TBC1D31: variants seen among roughly 807,000 people sequenced by gnomAD.
TBC1D31 encodes WD repeat domain 67.
A neutral mutation model predicts 132.9 loss-of-function variants in TBC1D31; 99 were observed. The ratio of observed to expected loss-of-function variants is 0.74; its 90% CI spans 0.63 to 0.88. The LOEUF (loss-of-function observed/expected upper bound fraction) is 0.88. Among genes scored for constraint, TBC1D31 ranks in the 40% least tolerant of loss-of-function variants. The pLI is 0.00. For synonymous variants in TBC1D31, 385 were observed against 419.4 expected (o/e 0.92, Z 1.00); for missense variants, 1,134 against 1,256.6 (o/e 0.90, Z 1.48).
intron 20 of TBC1D31, among the ~76,000 whole-genome samples, chr8:123,146,699 T>C (rs1822244614): frequency 6.6e-6 from 1 of 152,226 alleles, no homozygotes. Flanking sequence ...TTTTTTTTTT[T>C]TTAAAGACAG....
At chr8:123,140,928 A>AT in intron 18 of TBC1D31, 27 bp downstream of exon 18, 1 of 1,600,286 alleles carries the variant, frequency 6.2e-7, no homozygotes, top group Non-Finnish European at 8.5e-7. Context: ...TTTAGTATAC[A>AT]TGCAGAGGAG....
At chr8:123,130,623 C>CTTTT (rs774112527) in intron 16 of TBC1D31, among the ~76,000 whole-genome samples, 1 of 136,124 alleles carries the variant, frequency 7.3e-6, no homozygotes, top group Non-Finnish European at 1.6e-5. Context: ...CTTTTCTTTT[C>CTTTT]TTTTTTTTTT....
At chr8:123,152,585 G>C (rs1760817546), downstream of TBC1D31, among the ~76,000 whole-genome samples, 1 of 152,142 alleles carries the variant, frequency 6.6e-6, no homozygotes. Flanking sequence ...AGTAAGATCA[G>C]GCAGGCCAGA....
intron 6 of TBC1D31, among the ~76,000 whole-genome samples, chr8:123,099,311 G>A (rs1032001685): frequency 5.3e-5 from 8 of 151,962 alleles, no homozygotes; most frequent in Admixed American, 2.0e-4. Context: ...TAGTAGAGAC[G>A]GGGTTTCACC....
intron 10 of TBC1D31, among the ~76,000 whole-genome samples, chr8:123,115,569 G>A (rs1393803228): frequency 1.3e-5 from 2 of 152,168 alleles, no homozygotes; most frequent in Non-Finnish European, 2.9e-5. Flanking sequence ...TTAGAGTTTG[G>A]TAGGCAGAAG....
chr8:123,097,316 A>T lies in TBC1D31; in HGVS notation c.706A>T (p.Asn236Tyr), dbSNP rs1816927617. 5 of 1,614,172 alleles carry T rather than the reference A, an allele frequency of 3.1e-6. No individual in the cohort carries two copies. The highest frequency in any genetic ancestry group is 4.2e-6 in the Non-Finnish European group (5 of 1,180,028). Reference protein sequence around the residue: ...GRILAAGGKSNHLHLWCLEAR... With the variant: ...GRILAAGGKSYHLHLWCLEAR... Reference sequence around the variant, plus strand: ...AATCCTGGCTGCTGGAGGCAAGTCAAATCATCTTCATTTGTGGTGCTTGGA... The same window carrying T: ...AATCCTGGCTGCTGGAGGCAAGTCATATCATCTTCATTTGTGGTGCTTGGA... Residue 236 changes from asparagine to tyrosine, a missense_variant, in exon 6 of 22, where the codon AAT becomes TAT. Coordinates refer to ENST00000287380, the MANE Select transcript of TBC1D31 (RefSeq NM_145647.4).
At chr8:123,142,497 A>ATTTTT in intron 19 of TBC1D31, 41 bp downstream of exon 19, 1 of 1,111,676 alleles carries the variant, frequency 9.0e-7, no homozygotes, top group Non-Finnish European at 1.2e-6. Context: ...TCAAGCATTG[A>ATTTTT]TTTTTTTTTT....
intron 2 of TBC1D31, among the ~76,000 whole-genome samples, chr8:123,081,879 C>T: frequency 1.3e-5 from 1 of 78,910 alleles, no homozygotes; most frequent in East Asian, 2.8e-4. Flanking sequence ...GGGCCCCTCC[C>T]ACAACATGTG....
At chr8:123,116,192 G>A (rs1818890159) in intron 10 of TBC1D31, among the ~76,000 whole-genome samples, 1 of 152,082 alleles carries the variant, frequency 6.6e-6, no homozygotes, top group African/African-American at 2.4e-5. Context: ...ATGAAGAAAA[G>A]ATAGGTTATT....
chr8:123,150,423 C>T (rs938128363), intron 21 of TBC1D31, among the ~76,000 whole-genome samples: 3 of 152,206 alleles, frequency 2.0e-5, no homozygotes, highest in African/African-American at 7.2e-5. Context: ...AAGTCTCTAA[C>T]TAGGTTGATA....
At position 123,140,737 on chromosome 8, in the gene TBC1D31, T is replaced by TC. The variant is rs1390995424; in HGVS notation, c.2500-24_2500-23insC. The TC allele has an allele frequency of 3.2e-6, 5 of 1,580,112 alleles. No homozygotes were observed. The African/African-American group carries it at 6.9e-5, about 22-fold the overall frequency. On this transcript the variant is annotated intron_variant, in intron 17 of 21. Coordinates refer to ENST00000287380, the MANE Select transcript of TBC1D31 (RefSeq NM_145647.4). ...TCTAGCGTTATATAAATTAGTGATTTTTTTTTACAAATGATTTTAACAGAA... is the reference window on the plus strand; with the variant it reads ...TCTAGCGTTATATAAATTAGTGATTTCTTTTTTACAAATGATTTTAACAGAA...
At chr8:123,157,620 C>T in the TBC1D31 span, among the ~76,000 whole-genome samples, 2 of 152,170 alleles carry the variant, frequency 1.3e-5, no homozygotes, top group Non-Finnish European at 2.9e-5. Context: ...ACTGTGTTCC[C>T]GGCCCTGTGC....
intron 20 of TBC1D31, 91 bp from the exon 21 acceptor site, chr8:123,149,945 G>A: frequency 1.2e-6 from 1 of 824,132 alleles, no homozygotes; most frequent in Non-Finnish European, 2.0e-6. Context: ...AGCCATCCTT[G>A]GTGATTGTAA....
chr8:123,127,420 G>A (rs1316025186), intron 13 of TBC1D31, among the ~76,000 whole-genome samples: 11 of 151,558 alleles, frequency 7.3e-5, no homozygotes, highest in Middle Eastern at 6.8e-3. Context: ...ACAGGTGCCC[G>A]CCACCACGCC....
At chr8:123,137,556 T>C (rs1421920410) in intron 17 of TBC1D31, among the ~76,000 whole-genome samples, 2 of 152,250 alleles carry the variant, frequency 1.3e-5, no homozygotes, top group African/African-American at 4.8e-5. Context: ...CCTGCAAAGA[T>C]GTGCGACAGT....
chr8:123,102,349 G>GCAGTGGCA, intron 7 of TBC1D31: 1 of 417,806 alleles, frequency 2.4e-6, no homozygotes, highest in South Asian at 1.7e-5. Flanking sequence ...TTGGAGTGGC[G>GCAGTGGCA]TTTGCCACCT....
intron 3 of TBC1D31, chr8:123,083,340 T>C (rs1290739894): frequency 1.3e-5 from 2 of 152,464 alleles, no homozygotes; most frequent in Non-Finnish European, 2.9e-5. Flanking sequence ...CACAAGTACA[T>C]CAGAATCAAG....
chr8:123,157,273 C>G, the TBC1D31 span, among the ~76,000 whole-genome samples: 1 of 152,210 alleles, frequency 6.6e-6, no homozygotes, highest in Non-Finnish European at 1.5e-5. Context: ...GATTATGAGA[C>G]TGACGCGCTA....
chr8:123,073,188 A>G (rs1469552161), intron 1 of TBC1D31: 5 of 472,074 alleles, frequency 1.1e-5, no homozygotes, highest in African/African-American at 9.7e-5. Flanking sequence ...GTGCTCAGTG[A>G]GTATTTAACA....
Sources: gnomAD v4.1 joint callset for allele counts (sites outside exome capture counted in the v4.1 genomes callset) on GRCh38, gnomAD v4.1.1 for gene constraint, MANE v1.5 for transcripts, NCBI Gene and HGNC (gene_info 2026-07-23, HGNC 2026-07-21) for gene names.